Variants in MYH15 observed in about 807,000 individuals in gnomAD.
MYH15 encodes myosin-15.
Under a neutral mutation model 240.5 loss-of-function variants are expected in MYH15, and 227 were observed. The ratio of observed to expected loss-of-function variants is 0.94; its 90% confidence interval spans 0.85 to 1.05. The LOEUF (loss-of-function observed/expected upper bound fraction) is 1.05, where lower values mean the gene tolerates loss of function less well. Among genes scored for constraint, MYH15 ranks in the 50% least tolerant of loss-of-function variants. The probability of loss-of-function intolerance (pLI) is 0.00; values close to 1 mark genes in which losing one functional copy is unlikely to be tolerated. For synonymous variants in MYH15, 785 were observed against 796.7 expected (o/e 0.99, Z 0.25); for missense variants, 2,217 against 2,247.5 (o/e 0.99, Z 0.27).
intron 15 of MYH15, among the ~76,000 whole-genome samples, 197 bp from the exon 16 acceptor site, chr3:108,463,440 G>C (rs1274649108): frequency 6.6e-6 from 1 of 151,930 alleles, no homozygotes; most frequent in Non-Finnish European, 1.5e-5. Context: ...TCAGCCTCCA[G>C]AGTAGCTGGG....
intron 7 of MYH15, 140 bp from the exon 8 acceptor site, chr3:108,493,317 GA>G (rs2083367889): frequency 3.3e-6 from 2 of 597,460 alleles, no homozygotes; most frequent in East Asian, 5.8e-5. Context: ...AAAAAAAAAA[GA>G]AAGAAAGAAA....
chr3:108,419,104 T>A (rs866300367), intron 28 of MYH15, among the ~76,000 whole-genome samples: 23 of 152,292 alleles, frequency 1.5e-4, no homozygotes, highest in African/African-American at 5.1e-4. Context: ...CACTAGCTGG[T>A]TGAGACTAAT....
intron 12 of MYH15, among the ~76,000 whole-genome samples, chr3:108,472,408 G>A (rs907441190): frequency 6.6e-6 from 1 of 152,172 alleles, no homozygotes; most frequent in East Asian, 1.9e-4. Flanking sequence ...TTGGTGTCTG[G>A]TGGTGATTTA....
chr3:108,411,536 G>A (rs2082593044), intron 30 of MYH15, among the ~76,000 whole-genome samples: 1 of 152,024 alleles, frequency 6.6e-6, no homozygotes, highest in South Asian at 2.1e-4. Flanking sequence ...GTTCTTATGG[G>A]GTTTTTTAGC....
At chr3:108,539,470 G>A in the MYH15 span, among the ~76,000 whole-genome samples, 1 of 151,974 alleles carries the variant, frequency 6.6e-6, no homozygotes, top group Non-Finnish European at 1.5e-5. Flanking sequence ...AATAAATAAA[G>A]CAAGCAACTA....
rs1475176845 is a variant in MYH15 at position 108,437,183 on chromosome 3, CA to C, written c.3221+370del. On this transcript the variant is annotated intron_variant, in intron 25 of 40. Transcript: ENST00000693548. ...AGTATGTAAGTCTTCACATCAGGAT[CA>C]ATTTTTTTTTTTTTTTTTACATTTT... Among the ~76,000 whole-genome samples the C allele has an allele frequency of 4.8e-5, 5 of 103,584 alleles. No individual in the cohort carries two copies. In the East Asian group the frequency reaches 2.4e-3, roughly 50 times the overall value. The allele number at this position is 103,584 out of a possible 152,430, so 68.0% of individuals were successfully genotyped here. A position where few individuals can be genotyped will look rare whatever the true frequency, so the allele number is the denominator to read the frequency against.
intron 12 of MYH15, among the ~76,000 whole-genome samples, chr3:108,475,415 G>A (rs2083212106): frequency 6.6e-6 from 1 of 152,106 alleles, no homozygotes; most frequent in East Asian, 1.9e-4. Context: ...CCTCTTTCCA[G>A]AAAGGCTACA....
At chr3:108,547,849 C>G in the MYH15 span, among the ~76,000 whole-genome samples, 2 of 152,066 alleles carry the variant, frequency 1.3e-5, no homozygotes, top group African/African-American at 4.8e-5. Flanking sequence ...GTAGCAGATG[C>G]AAGTTGGAAG....
At chr3:108,416,550 C>T (rs1226340160) in intron 29 of MYH15, among the ~76,000 whole-genome samples, 1 of 152,056 alleles carries the variant, frequency 6.6e-6, no homozygotes, top group Non-Finnish European at 1.5e-5. Flanking sequence ...CTGAAAGAGC[C>T]TTGCTGCCCT....
At chr3:108,442,958 A>C (rs924198010) in intron 22 of MYH15, among the ~76,000 whole-genome samples, 2 of 151,970 alleles carry the variant, frequency 1.3e-5, no homozygotes, top group Non-Finnish European at 2.9e-5. Context: ...CATGCTCCCT[A>C]CAATGACCTT....
chr3:108,410,333 G>A (rs1183909564), intron 31 of MYH15, among the ~76,000 whole-genome samples: 4 of 152,094 alleles, frequency 2.6e-5, no homozygotes, highest in African/African-American at 9.7e-5. Context: ...TGGATATCAA[G>A]AAATTTTCAG....
intron 1 of MYH15, among the ~76,000 whole-genome samples, chr3:108,508,208 A>T (rs2083493208): frequency 6.6e-6 from 1 of 152,186 alleles, no homozygotes; most frequent in Admixed American, 6.5e-5. Context: ...GAGTAGGCTC[A>T]CCACCTGCCT....
At position 108,383,687 on chromosome 3, in the gene MYH15, G is replaced by C; in HGVS notation, c.5674C>G (p.Gln1892Glu). 1 of 1,605,636 alleles carries C rather than the reference G, an allele frequency of 6.2e-7. No individual in the cohort carries two copies. The highest frequency in any genetic ancestry group is 8.5e-7 in the Non-Finnish European group (1 of 1,176,638). Reference sequence around the variant, plus strand: ...TCCTTCACTTCATTCAACTCATGTTGCTGTTTCTTATACTTGGAAAGGTAT... The same window carrying C: ...TCCTTCACTTCATTCAACTCATGTTCCTGTTTCTTATACTTGGAAAGGTAT... Reference protein sequence around the residue: ...NQYLSKYKKQQHELNEVKERA... With the variant: ...NQYLSKYKKQEHELNEVKERA... The change falls in exon 40 of 41, where the codon CAA becomes GAA. Residue 1892 changes from glutamine (Q) to glutamate (E), a missense_variant. Physicochemically the swap from Gln to Glu is conservative, Grantham distance 29. Coordinates refer to ENST00000693548, the MANE Select transcript of MYH15 (RefSeq NM_014981.3).
intron 16 of MYH15, chr3:108,462,051 C>A (rs181395424): frequency 6.6e-6 from 1 of 152,066 alleles, no homozygotes; most frequent in Non-Finnish European, 1.5e-5. Context: ...CAAAAGAAAA[C>A]GGAAACTCAA....
rs776471445 is a variant in MYH15 at position 108,428,847 on chromosome 3, G to C, written c.3347C>G (p.Ala1116Gly). The change falls in exon 27 of 41, where the codon GCT becomes GGT. Residue 1116 changes from alanine (A) to glycine (G), a missense_variant. Coordinates refer to ENST00000693548, the MANE Select transcript of MYH15 (RefSeq NM_014981.3). ...CATCTTGGCTCGAGTGGTCCTTTCA[G>C]CTTCTAGTTTCTCTTTCAAATCCTT... ...QIKDLKEKLE[A>G]ERTTRAKMER... is the part of the protein sequence containing the mutation. 1.6e-5 allele frequency: 25 copies of C among 1,610,214 alleles called. No homozygotes were observed. The East Asian group carries it at 4.2e-4, about 27-fold the overall frequency.
chr3:108,483,428 A>C (rs965677564), intron 11 of MYH15, among the ~76,000 whole-genome samples: 22 of 150,458 alleles, frequency 1.5e-4, no homozygotes, highest in African/African-American at 5.1e-4. Flanking sequence ...AAAAAAAAAA[A>C]CCAAAAAACA....
At chr3:108,435,472 C>T (rs902530217) in intron 25 of MYH15, among the ~76,000 whole-genome samples, 3 of 151,976 alleles carry the variant, frequency 2.0e-5, no homozygotes, top group African/African-American at 7.2e-5. Flanking sequence ...ATTATTTCTC[C>T]CTCCTCCCAG....
chr3:108,454,446 G>C (rs72939892), intron 20 of MYH15, among the ~76,000 whole-genome samples: 270 of 152,242 alleles, frequency 1.8e-3, no homozygotes, highest in African/African-American at 6.2e-3. Context: ...TTTTAAGATG[G>C]GCTCAGGCAT....
intron 21 of MYH15, among the ~76,000 whole-genome samples, chr3:108,449,168 T>C (rs1448951187): frequency 2.0e-5 from 3 of 152,060 alleles, no homozygotes; most frequent in Admixed American, 6.5e-5. Context: ...TAAAAGTCCA[T>C]AGTCCCCAAA....
Sources: gnomAD v4.1 joint callset for allele counts (sites outside exome capture counted in the v4.1 genomes callset) on GRCh38, gnomAD v4.1.1 for gene constraint, MANE v1.5 for transcripts, NCBI Gene and HGNC (gene_info 2026-07-23, HGNC 2026-07-21) for gene names.